EPB42: variants seen among roughly 807,000 people sequenced by gnomAD.
EPB42 encodes the protein erythrocyte membrane protein band 4.2.
Under a neutral mutation model 76.9 loss-of-function variants are expected in EPB42, and 49 were observed. That is an observed-to-expected ratio of 0.64 (90% CI 0.51 to 0.81). The LOEUF (loss-of-function observed/expected upper bound fraction) is 0.81, where lower values mean the gene tolerates loss of function less well. EPB42 is among the 30% of genes least tolerant of loss of function. The probability of loss-of-function intolerance (pLI) is 0.00; values close to 1 mark genes in which losing one functional copy is unlikely to be tolerated. For missense variants in EPB42, 731 were observed against 867.6 expected (o/e 0.84, Z 1.98); for synonymous variants, 310 against 338.4 (o/e 0.92, Z 0.92).
intron 12 of EPB42, 109 bp from the exon 13 acceptor site, chr15:43,197,573 A>G: frequency 1.6e-6 from 2 of 1,249,968 alleles, no homozygotes; most frequent in Non-Finnish European, 2.3e-6. Context: ...TGCAGAAATA[A>G]ACATCTAAGT....
rs570627757 is a variant in EPB42, at chr15:43,202,799, T to C, written c.1779+316A>G. Among the ~76,000 whole-genome samples the C allele has an allele frequency of 2.6e-5, 4 of 152,078 alleles. No individual in the cohort carries two copies. In the South Asian group the frequency reaches 6.2e-4, roughly 24 times the overall value. On this transcript the variant is annotated intron_variant, in intron 11 of 12. Transcript: ENST00000441366. ...CTACCTCACAGGGCTTAGAAAGAAA[T>C]AAAGGAGCTGAAAATCCTCTGGCAT...
chr15:43,207,300 A>C lies in EPB42; in HGVS notation c.1217T>G (p.Leu406Trp), dbSNP rs2042219905. The C allele has an allele frequency of 1.2e-6, 2 of 1,614,070 alleles. No individual in the cohort carries two copies. Among genetic ancestry groups the C allele is most frequent in the Non-Finnish European group, 1.7e-6 (2 of 1,180,044 alleles). Residue 406 changes from leucine (L) to tryptophan (W), a missense_variant, in exon 9 of 13, where the codon TTG becomes TGG. Physicochemically the swap from Leu to Trp is moderately conservative, Grantham distance 61 (BLOSUM62 -2). Transcript: ENST00000441366. ...WKCCEDGTLE[L>W]TDSNTKYVGN... ...AACATACTTTGTGTTGGAGTCAGTC[A>C]ACTCCAGTGTCCCATCCTCACAGCA...
intron 4 of EPB42, among the ~76,000 whole-genome samples, chr15:43,211,058 C>T (rs1004360575): frequency 2.0e-5 from 3 of 152,130 alleles, no homozygotes; most frequent in African/African-American, 7.2e-5. Context: ...AACGTTCAGC[C>T]TGTTGCTCTG....
chr15:43,212,789 T>C (rs1046316614), intron 3 of EPB42, among the ~76,000 whole-genome samples: 4 of 152,226 alleles, frequency 2.6e-5, no homozygotes, highest in Non-Finnish European at 4.4e-5. Flanking sequence ...TCACCCATTC[T>C]GGGAAGCTAG....
chr15:43,216,356 C>T lies in EPB42; in HGVS notation c.108G>A (p.Gly36=). 1 of 1,614,170 alleles carries T rather than the reference C, an allele frequency of 6.2e-7. No homozygotes were observed. Among genetic ancestry groups the T allele is most frequent in the Non-Finnish European group, 8.5e-7 (1 of 1,180,032 alleles). ...LSSRRLFVRR[G]QPFTIILYFR... ...AGTACAGGATGATGGTGAAGGGCTGCCCCCTCCTCACAAAGAGGCGCCGGG... is the reference window on the plus strand; with the variant it reads ...AGTACAGGATGATGGTGAAGGGCTGTCCCCTCCTCACAAAGAGGCGCCGGG... Residue 36 remains glycine (G), a synonymous_variant, in exon 2 of 13, where the codon GGG becomes GGA. Coordinates refer to ENST00000441366, the MANE Select transcript of EPB42 (RefSeq NM_001114134.2).
Position 43,210,370 on chromosome 15 carries a change from G to A in EPB42, c.619C>T (p.Gln207Ter). Residue 207 changes from glutamine (Q) to a stop codon, truncating the protein, a stop_gained, in exon 5 of 13, where the codon CAG becomes TAG. Coordinates refer to ENST00000441366, the MANE Select transcript of EPB42 (RefSeq NM_001114134.2). LOFTEE classifies it high-confidence loss of function. ...SKDKQVEKWSQPVHVARVLGA... is the reference protein window; with the variant it reads ...SKDKQVEKWS ...AACACACGGGCCACGTGCACCGGCT[G>A]GCTCCACTTCTCTACCTGCTTGTCC... is the stretch of plus-strand genomic sequence containing the variant. 6.2e-7 allele frequency: 1 copy of A among 1,613,860 alleles called. No individual in the cohort carries two copies. Among genetic ancestry groups the A allele is most frequent in the East Asian group, 2.2e-5 (1 of 44,890 alleles).
intron 4 of EPB42, 44 bp from the exon 5 acceptor site, chr15:43,210,483 G>A (rs759939112): frequency 6.4e-6 from 10 of 1,574,360 alleles, no homozygotes; most frequent in Admixed American, 5.0e-5. Flanking sequence ...TCCCCACACA[G>A]GGCCATGAGG....
chr15:43,207,613 A>G (rs2042225565), intron 8 of EPB42, among the ~76,000 whole-genome samples, 172 bp from the exon 9 acceptor site: 1 of 152,238 alleles, frequency 6.6e-6, no homozygotes, highest in African/African-American at 2.4e-5. Context: ...GAAACTATTT[A>G]GTGATCAACT....
At chr15:43,225,560 T>G (rs1276475352), upstream of EPB42, among the ~76,000 whole-genome samples, 1 of 152,212 alleles carries the variant, frequency 6.6e-6, no homozygotes, top group East Asian at 1.9e-4. Context: ...CGTTAGGAAC[T>G]GTTAGGAACC....
chr15:43,208,726 T>C lies in EPB42; in HGVS notation c.882A>G (p.Ser294=), dbSNP rs2042245632. The C allele has an allele frequency of 1.2e-6, 2 of 1,614,220 alleles. No individual in the cohort carries two copies. The highest frequency in any genetic ancestry group is 2.2e-5 in the East Asian group (1 of 44,886). The change falls in exon 7 of 13, where the codon TCA becomes TCG. Residue 294 remains serine, a synonymous_variant. Transcript: ENST00000441366. The stretch of plus-strand genomic sequence containing the variant: ...GAAGACGCCCACCGGTGCCCTGTGC[T>C]GAGGCAAACGTGGTCACCACGCGGG... The part of the protein sequence containing the change: ...IPARVVTTFA[S]AQGTGGRLLI...
At chr15:43,210,738 C>A (rs1160884079) in intron 4 of EPB42, among the ~76,000 whole-genome samples, 4 of 152,222 alleles carry the variant, frequency 2.6e-5, no homozygotes, top group Non-Finnish European at 4.4e-5. Context: ...CGTTTCATTG[C>A]ACTGCATTCC....
At chr15:43,208,413 CTGT>C (rs2042239570) in intron 7 of EPB42, 80 bp from the exon 8 acceptor site, 1 of 1,505,984 alleles carries the variant, frequency 6.6e-7, no homozygotes, top group Non-Finnish European at 9.2e-7. Flanking sequence ...CCTGGCAGAG[CTGT>C]TGTTGTTCCA....
Position 43,209,293 on chromosome 15 carries a change from C to T in EPB42, c.813G>A (p.Leu271=). 1 of 1,614,120 alleles carries T rather than the reference C, an allele frequency of 6.2e-7. No individual in the cohort carries two copies. Among genetic ancestry groups the T allele is most frequent in the Non-Finnish European group, 8.5e-7 (1 of 1,180,026 alleles). ...ACCAACCTGTGCAAGCAACAGCAGC[C>T]AACACCCAGGCCTGGCCATCATACA... ...RPVYDGQAWV[L]AAVACTVLRC... is the part of the protein sequence containing the mutation. Residue 271 remains leucine, a synonymous_variant, in exon 6 of 13, where the codon TTG becomes TTA. Transcript: ENST00000441366.
intron 3 of EPB42, among the ~76,000 whole-genome samples, 198 bp from the exon 4 acceptor site, chr15:43,211,732 G>C (rs1596413323): frequency 6.6e-6 from 1 of 152,170 alleles, no homozygotes; most frequent in Non-Finnish European, 1.5e-5. Context: ...GGTCAATCAG[G>C]GTGTGGCCTT....
intron 1 of EPB42, among the ~76,000 whole-genome samples, chr15:43,219,829 C>T: frequency 6.6e-6 from 1 of 151,812 alleles, no homozygotes; most frequent in East Asian, 1.9e-4. Flanking sequence ...GCCTGTAGTC[C>T]CAGCTACTCA....
At chr15:43,200,347 G>C (rs1215146087) in intron 12 of EPB42, among the ~76,000 whole-genome samples, 2 of 152,184 alleles carry the variant, frequency 1.3e-5, no homozygotes, top group African/African-American at 4.8e-5. Context: ...AGGGAGGGTA[G>C]GAGTAAGTAT....
chr15:43,206,176 A>G lies in EPB42; in HGVS notation c.1618+154T>C. The G allele has an allele frequency of 1.3e-6, 1 of 768,224 alleles. No homozygotes were observed. The highest frequency in any genetic ancestry group is 2.0e-6 in the Non-Finnish European group (1 of 499,930). 47.6% of individuals were successfully genotyped at this position (768,224 alleles called of 1,614,324 possible). ...TTCAGGCCCAATAAATATGTGTTGA[A>G]TGAATGAATGAGAGAGAACATGAGA... On this transcript the variant is annotated intron_variant, in intron 10 of 12. Transcript: ENST00000441366. The surrounding 1 kb of genome is among the most constrained non-coding windows in gnomAD (Gnocchi z 4.7).
At chr15:43,224,323 A>T (rs2042488797), upstream of EPB42, among the ~76,000 whole-genome samples, 2 of 152,196 alleles carry the variant, frequency 1.3e-5, no homozygotes, top group Non-Finnish European at 2.9e-5. Context: ...CTCCAAATAC[A>T]GTCACATTGG....
chr15:43,202,502 C>G (rs1252271725), intron 11 of EPB42, among the ~76,000 whole-genome samples: 2 of 152,200 alleles, frequency 1.3e-5, no homozygotes, highest in Non-Finnish European at 2.9e-5. Context: ...CCAAACCCAC[C>G]AGCTGGAATT....
Sources: allele counts gnomAD v4.1 joint callset (sites outside exome capture counted in the v4.1 genomes callset), GRCh38; gene constraint gnomAD v4.1.1; non-coding constraint Gnocchi (gnomAD v3.1); transcripts MANE v1.5; gene names NCBI Gene and HGNC (gene_info 2026-07-23, HGNC 2026-07-21).